ODF2: variants seen among roughly 807,000 people sequenced by gnomAD.
ODF2 encodes outer dense fiber of sperm tails 2, also known as outer dense fiber protein 2.
In ODF2, 47 loss-of-function variants were observed where a neutral mutation model predicts 110.2. The observed-to-expected ratio is 0.43, with a 90% CI of 0.34 to 0.54. The LOEUF (loss-of-function observed/expected upper bound fraction) is 0.54. Among genes scored for constraint, ODF2 ranks in the 20% least tolerant of loss-of-function variants. The pLI is 0.03. For missense variants in ODF2, 812 were observed against 1,054.5 expected, an observed-to-expected ratio of 0.77 and a Z score of 3.19; for synonymous variants, 352 against 397.7, an observed-to-expected ratio of 0.89 and a Z score of 1.37.
At chr9:128,496,059 A>G in exon 18 of ODF2, 1 of 1,613,924 alleles carries the variant, frequency 6.2e-7, no homozygotes, top group South Asian at 1.1e-5. Context: ...CCAGGGGGAC[A>G]AGCTGGAGAT....
exon 4 of ODF2, chr9:128,460,985 G>T: frequency 6.2e-7 from 1 of 1,614,122 alleles, no homozygotes; most frequent in Non-Finnish European, 8.5e-7. Context: ...GTGAATGTGC[G>T]GCGGAGTGTC....
intron 13 of ODF2, among the ~76,000 whole-genome samples, chr9:128,487,588 C>A (rs1843622123): frequency 6.6e-6 from 1 of 152,078 alleles, no homozygotes; most frequent in Non-Finnish European, 1.5e-5. Context: ...GAGATCGAGA[C>A]CATCCTGGCT....
At chr9:128,456,513 C>T in intron 1 of ODF2, 1 of 1,526,300 alleles carries the variant, frequency 6.6e-7, no homozygotes, top group African/African-American at 1.4e-5. Context: ...CCCTCCTCTG[C>T]CGCCCGCGGG....
At chr9:128,496,967 AT>A (rs1188187753) in intron 18 of ODF2, among the ~76,000 whole-genome samples, 3 of 151,956 alleles carry the variant, frequency 2.0e-5, no homozygotes, top group African/African-American at 7.3e-5. Flanking sequence ...GGTTCAAGTG[AT>A]CCACCCACCT....
chr9:128,484,596 T>C (rs1843022829), intron 11 of ODF2, 105 bp from the exon 12 acceptor site: 1 of 1,247,094 alleles, frequency 8.0e-7, no homozygotes, highest in Non-Finnish European at 1.1e-6. Flanking sequence ...TCGTTTCCTC[T>C]TTGCTCTTGC....
At chr9:128,463,545 A>T (rs1008886110) in intron 4 of ODF2, among the ~76,000 whole-genome samples, 1 of 152,166 alleles carries the variant, frequency 6.6e-6, no homozygotes, top group Non-Finnish European at 1.5e-5. Flanking sequence ...AGCTGTGATT[A>T]TGTCACTGCA....
intron 4 of ODF2, among the ~76,000 whole-genome samples, chr9:128,464,300 C>T (rs182397704): frequency 4.0e-5 from 6 of 151,148 alleles, no homozygotes; most frequent in East Asian, 2.0e-4. Flanking sequence ...GGACTACAGG[C>T]GTGCACCACC....
At chr9:128,498,884 T>C in intron 19 of ODF2, 117 bp from the exon 20 acceptor site, 1 of 1,357,794 alleles carries the variant, frequency 7.4e-7, no homozygotes, top group Non-Finnish European at 1.0e-6. Context: ...GAGAACACAG[T>C]CCACAATGAT....
At chr9:128,497,417 C>T (rs1845727149) in intron 18 of ODF2, 1 of 58,902 alleles carries the variant, frequency 1.7e-5, no homozygotes, top group Non-Finnish European at 3.1e-5. Flanking sequence ...GAAATCCCGT[C>T]TCTACTAAAA....
At position 128,470,004 on chromosome 9, in the gene ODF2, AAAAAAAAAAAAAAAATATATATATAT is replaced by A. The variant is rs1564475598; in HGVS notation, c.420+653_420+678del. On this transcript the variant is annotated intron_variant, in intron 5 of 20. Transcript: ENST00000604420. ...GTCTCAAAAAAAAAAAAAAAAAAAA[AAAAAAAAAAAAAAAATATATATATAT>A]ATATATATATATATATAAATAAAAA... is the stretch of plus-strand genomic sequence containing the variant. Among the ~76,000 whole-genome samples the A allele has an allele frequency of 1.3e-4, 5 of 37,766 alleles. 1 individual carries two copies. The East Asian group carries it at 8.5e-3, about 64-fold the overall frequency. The allele number at this position is 37,766 out of a possible 152,430, so 24.8% of individuals were successfully genotyped here. A position where few individuals can be genotyped will look rare whatever the true frequency, so the allele number is the denominator to read the frequency against.
rs766375242 is a variant in ODF2 at position 128,471,360 on chromosome 9, G to A, written c.473G>A (p.Arg158Gln). Reference sequence around the variant, plus strand: ...ATGGCCAAAAGGTTCCTGGAGGAACGGAAGGAAGAGCTGGAGGAGGTGGCC... The same window carrying A: ...ATGGCCAAAAGGTTCCTGGAGGAACAGAAGGAAGAGCTGGAGGAGGTGGCC... Residue 158 changes from arginine to glutamine, a missense_variant, in exon 6 of 21, where the codon CGG (arginine) becomes CAG (glutamine). Coordinates refer to ENST00000604420, the Ensembl canonical transcript of ODF2. 281 of 1,613,402 alleles carry A rather than the reference G, an allele frequency of 1.7e-4. No homozygotes were observed. The highest frequency in any genetic ancestry group is 3.3e-4 in the Middle Eastern group (2 of 6,078).
At chr9:128,479,509 G>A (rs1025189772) in intron 8 of ODF2, among the ~76,000 whole-genome samples, 1 of 152,208 alleles carries the variant, frequency 6.6e-6, no homozygotes, top group African/African-American at 2.4e-5. Context: ...ACTGGTGAGT[G>A]CAGGGAAGTG....
intron 8 of ODF2, among the ~76,000 whole-genome samples, chr9:128,479,090 G>A (rs1841925802): frequency 6.6e-6 from 1 of 152,166 alleles, no homozygotes; most frequent in Admixed American, 6.6e-5. Flanking sequence ...CTGCATCCGT[G>A]GCCAAGCCTT....
intron 3 of ODF2, 100 bp downstream of exon 2, chr9:128,459,757 G>T (rs536210796): frequency 2.2e-5 from 18 of 801,510 alleles, no homozygotes; most frequent in Admixed American, 9.0e-5. Flanking sequence ...GGGCACCATC[G>T]CCGCCCAGTT....
exon 21 of ODF2, chr9:128,500,444 C>T (rs1306073786): frequency 3.4e-6 from 2 of 584,646 alleles, no homozygotes. Context: ...TTGGTTTTCT[C>T]CTTCCTGATA....
intron 8 of ODF2, among the ~76,000 whole-genome samples, chr9:128,475,728 C>T (rs1327226606): frequency 6.6e-6 from 1 of 151,930 alleles, no homozygotes; most frequent in Non-Finnish European, 1.5e-5. Context: ...TCACTGCAAC[C>T]TCCGCCTCCC....
Position 128,488,029 on chromosome 9 carries a change from C to G in ODF2, c.1536+4C>G. 6.2e-7 allele frequency: 1 copy of G among 1,613,542 alleles called. No individual in the cohort carries two copies. The highest frequency in any genetic ancestry group is 1.3e-5 in the African/African-American group (1 of 75,008). On this transcript the variant is annotated splice_donor_region_variant and intron_variant, in intron 14 of 20. Coordinates refer to ENST00000604420, the Ensembl canonical transcript of ODF2. ...GCTGGAGAATGAGAGGCTGAAGGTT[C>G]GCAGTGAGAGCTGGGGACCAGGCAG... is the stretch of plus-strand genomic sequence containing the variant.
exon 4 of ODF2, chr9:128,461,022 G>A: frequency 1.2e-6 from 2 of 1,614,100 alleles, no homozygotes; most frequent in East Asian, 2.2e-5. Context: ...TACCTTGGAT[G>A]CCCCCTGGAA....
upstream of ODF2, chr9:128,456,071 C>CG (rs562304774): frequency 2.1e-5 from 32 of 1,518,308 alleles, no homozygotes; most frequent in South Asian, 6.2e-5. Flanking sequence ...AAGCGGCTCC[C>CG]GGGGGGGTTT....
Sources: gnomAD v4.1 joint callset for allele counts (sites outside exome capture counted in the v4.1 genomes callset) on GRCh38, gnomAD v4.1.1 for gene constraint, MANE v1.5 for transcripts, NCBI Gene and HGNC (gene_info 2026-07-23, HGNC 2026-07-21) for gene names.